The following PRKN variants were observed in gnomAD, a reference collection of about 807,000 sequenced individuals.
PRKN encodes parkin RBR E3 ubiquitin protein ligase, also known as E3 ubiquitin-protein ligase parkin.
PRKN carries 56 observed loss-of-function variants against 59.5 expected under a neutral mutation model. The ratio of observed to expected loss-of-function variants is 0.94; its 90% CI spans 0.76 to 1.18. The LOEUF (loss-of-function observed/expected upper bound fraction) is 1.18, where lower values mean the gene tolerates loss of function less well. Among genes scored for constraint, PRKN ranks in the 50% most tolerant of loss-of-function variants. The pLI, the probability that PRKN is intolerant of heterozygous loss-of-function variation, is 0.00. For missense variants in PRKN, 657 were observed against 596.4 expected (o/e 1.10, Z -1.06); for synonymous variants, 250 against 222.1 (o/e 1.13, Z -1.12).
intron 4 of PRKN, among the ~76,000 whole-genome samples, chr6:162,154,505 T>C (rs1782416111): frequency 7.1e-6 from 1 of 141,432 alleles, no homozygotes; most frequent in African/African-American, 2.6e-5. Flanking sequence ...TACACTCTAG[T>C]GACACTAGTA....
chr6:161,918,465 G>A lies in PRKN; in HGVS notation c.734+54837C>T, dbSNP rs112524418. Reference sequence around the variant, plus strand: ...TGTGATTTTCAAACCATGAGTCATCGACAAATATATACAATGAAACAGAGA... The same window carrying A: ...TGTGATTTTCAAACCATGAGTCATCAACAAATATATACAATGAAACAGAGA... On this transcript the variant is annotated intron_variant, in intron 6 of 11. Coordinates refer to ENST00000366898, the MANE Select transcript of PRKN (RefSeq NM_004562.3). Among the ~76,000 whole-genome samples, 294 of 152,228 alleles carry A rather than the reference G, an allele frequency of 1.9e-3. 1 individual carries two copies. Among genetic ancestry groups the A allele is most frequent in the African/African-American group, 6.9e-3 (286 of 41,540 alleles).
At chr6:162,273,743 C>T (rs1047677192) in intron 2 of PRKN, among the ~76,000 whole-genome samples, 4 of 152,110 alleles carry the variant, frequency 2.6e-5, no homozygotes, top group Non-Finnish European at 4.4e-5. Flanking sequence ...AAATTACTCA[C>T]CTATCCAGAA....
intron 6 of PRKN, among the ~76,000 whole-genome samples, chr6:161,858,625 T>A (rs1793752785): frequency 6.7e-6 from 1 of 148,484 alleles, no homozygotes; most frequent in Non-Finnish European, 1.5e-5. Flanking sequence ...GCCCGGGAAC[T>A]TTCTGTTCCA....
At chr6:161,604,313 A>G (rs1002379101) in intron 7 of PRKN, among the ~76,000 whole-genome samples, 1 of 152,226 alleles carries the variant, frequency 6.6e-6, no homozygotes, top group Non-Finnish European at 1.5e-5. Context: ...TTAGTTTAAG[A>G]CATAACTTTG....
At chr6:161,972,111 C>A (rs1036630271) in intron 6 of PRKN, among the ~76,000 whole-genome samples, 5 of 151,928 alleles carry the variant, frequency 3.3e-5, no homozygotes, top group African/African-American at 1.2e-4. Context: ...CCCGTCTCTA[C>A]TAAAAATACA....
intron 4 of PRKN, among the ~76,000 whole-genome samples, chr6:162,062,824 T>C (rs1160849754): frequency 6.6e-6 from 1 of 152,220 alleles, no homozygotes; most frequent in South Asian, 2.1e-4. Flanking sequence ...CTGGTGGCTT[T>C]ACGTTGTTAT....
In PRKN at chr6:161,356,745, G is replaced by A. The variant is rs1487963408; in HGVS notation, c.1285+3343C>T. The stretch of plus-strand genomic sequence containing the variant: ...GGTGGGGTGCACCCTAGAGGAAAAG[G>A]TTTTCTAGGAGCAGCTAGCACTCTG... On this transcript the variant is annotated intron_variant, in intron 11 of 11. Transcript: ENST00000366898. This position sits in a 1 kb window ranked among gnomAD's most constrained non-coding sequence, Gnocchi z 7.8. Among the ~76,000 whole-genome samples, 1 of 152,116 alleles carries A rather than the reference G, an allele frequency of 6.6e-6. No homozygotes were observed. Among genetic ancestry groups the A allele is most frequent in the Non-Finnish European group, 1.5e-5 (1 of 68,016 alleles).
intron 6 of PRKN, among the ~76,000 whole-genome samples, chr6:161,892,203 G>A (rs1795367631): frequency 1.3e-5 from 2 of 152,126 alleles, no homozygotes; most frequent in African/African-American, 4.8e-5. Flanking sequence ...GGAGGTTGAG[G>A]TGGGAGGATC....
At chr6:162,649,721 G>A (rs984840774) in intron 1 of PRKN, among the ~76,000 whole-genome samples, 5 of 151,920 alleles carry the variant, frequency 3.3e-5, no homozygotes, top group Non-Finnish European at 7.4e-5. Flanking sequence ...TCCATCTAAT[G>A]TGAGAACTAA....
rs922323562 is a variant in PRKN, at chr6:161,357,734, T to C, written c.1285+2354A>G. ...ACACATTTGTTTCAAAACAGACATA[T>C]GTGCCACTTGCTTTGAAATTCTGAT... On this transcript the variant is annotated intron_variant, in intron 11 of 11. Transcript: ENST00000366898. The surrounding 1 kb of genome is among the most constrained non-coding windows in gnomAD (Gnocchi z 5.5). Among the ~76,000 whole-genome samples, 1 of 152,242 alleles carries C rather than the reference T, an allele frequency of 6.6e-6. No individual in the cohort carries two copies. Among genetic ancestry groups the C allele is most frequent in the Non-Finnish European group, 1.5e-5 (1 of 68,040 alleles).
rs777161550 is a variant in PRKN, at chr6:161,518,473, T to C, written c.1083+30381A>G. Among the ~76,000 whole-genome samples, 8 of 152,242 alleles carry C rather than the reference T, an allele frequency of 5.3e-5. No individual in the cohort carries two copies. Among genetic ancestry groups the C allele is most frequent in the Non-Finnish European group, 7.3e-5 (5 of 68,032 alleles). On this transcript the variant is annotated intron_variant, in intron 9 of 11. Coordinates refer to ENST00000366898, the MANE Select transcript of PRKN (RefSeq NM_004562.3). This position sits in a 1 kb window ranked among gnomAD's most constrained non-coding sequence, Gnocchi z 5.0. ...CTGGGCAGCAAGGTCAAGTGCAGGC[T>C]GCTGTGGCACTGGGCGCTGCCCCTG...
intron 6 of PRKN, among the ~76,000 whole-genome samples, chr6:161,860,850 T>G (rs1793867774): frequency 6.6e-6 from 1 of 152,176 alleles, no homozygotes; most frequent in South Asian, 2.1e-4. Flanking sequence ...CACTGGTCAT[T>G]AGAGAAATGC....
At chr6:162,527,699 A>T (rs1183056321) in intron 1 of PRKN, among the ~76,000 whole-genome samples, 4 of 152,202 alleles carry the variant, frequency 2.6e-5, no homozygotes, top group Non-Finnish European at 4.4e-5. Flanking sequence ...GTACATGTAG[A>T]CATGGTCCAT....
intron 9 of PRKN, among the ~76,000 whole-genome samples, chr6:161,504,886 G>C (rs1201014384): frequency 6.7e-6 from 1 of 148,634 alleles, no homozygotes; most frequent in African/African-American, 2.5e-5. Flanking sequence ...AGTATTCCAT[G>C]GTGTATATGT....
chr6:162,126,593 T>C (rs1307452257), intron 4 of PRKN, among the ~76,000 whole-genome samples: 1 of 152,230 alleles, frequency 6.6e-6, no homozygotes, highest in Non-Finnish European at 1.5e-5. Flanking sequence ...TTTCTCATTG[T>C]GAGGAGCCCC....
At position 161,449,052 on chromosome 6, in the gene PRKN, G is replaced by C. The variant is rs116538126; in HGVS notation, c.1084-62175C>G. ...TTATGAATGAGACCATCAGGGCTCG[G>C]GTAAGAACATTGTCTGGGATAAATG... is the stretch of plus-strand genomic sequence containing the variant. On this transcript the variant is annotated intron_variant, in intron 9 of 11. Transcript: ENST00000366898. 8.4e-3 allele frequency among the ~76,000 whole-genome samples: 1,285 copies of C among 152,248 alleles called. 17 individuals are homozygous for C. Among genetic ancestry groups the C allele is most frequent in the African/African-American group, 0.03 (1,249 of 41,538 alleles).
At chr6:162,272,399 A>G (rs1486012805) in intron 2 of PRKN, among the ~76,000 whole-genome samples, 4 of 152,152 alleles carry the variant, frequency 2.6e-5, no homozygotes, top group Non-Finnish European at 4.4e-5. Context: ...TGTGATAAAT[A>G]TTATGAACAC....
chr6:161,833,372 A>G (rs1321376969), intron 6 of PRKN, among the ~76,000 whole-genome samples: 2 of 152,212 alleles, frequency 1.3e-5, no homozygotes, highest in Non-Finnish European at 2.9e-5. Context: ...TTAATAAGGG[A>G]ATGAAGCTGT....
rs375806465 is a variant in PRKN at position 161,762,864 on chromosome 6, T to C, written c.871+22908A>G. On this transcript the variant is annotated intron_variant, in intron 7 of 11. Transcript: ENST00000366898. Reference sequence around the variant, plus strand: ...AGTTGAAGTTTTCAATTATCTTTCCTTTCCTGTAACATTCTAGAAAGGATC... The same window carrying C: ...AGTTGAAGTTTTCAATTATCTTTCCCTTCCTGTAACATTCTAGAAAGGATC... 1.7e-3 allele frequency among the ~76,000 whole-genome samples: 263 copies of C among 152,326 alleles called. 1 individual carries two copies. The highest frequency in any genetic ancestry group is 6.0e-3 in the African/African-American group (248 of 41,574).
Sources: allele counts gnomAD v4.1 joint callset (sites outside exome capture counted in the v4.1 genomes callset), GRCh38; gene constraint gnomAD v4.1.1; non-coding constraint Gnocchi (gnomAD v3.1); transcripts MANE v1.5; gene names NCBI Gene and HGNC (gene_info 2026-07-23, HGNC 2026-07-21).